Variants in ANKRD42 observed in about 807,000 individuals in gnomAD.
ANKRD42 encodes the protein ankyrin repeat domain 42, also known as ankyrin repeat domain-containing protein 42.
In ANKRD42, 43 loss-of-function variants were observed where a neutral mutation model predicts 51.5. The observed-to-expected ratio is 0.83, with a 90% CI of 0.65 to 1.08. The LOEUF (loss-of-function observed/expected upper bound fraction) is 1.08. Among genes scored for constraint, ANKRD42 ranks in the 50% least tolerant of loss-of-function variants. The pLI, the probability that ANKRD42 is intolerant of heterozygous loss-of-function variation, is 0.00. For missense variants in ANKRD42, 608 were observed against 629.3 expected (o/e 0.97, Z 0.36); for synonymous variants, 203 against 213.0 (o/e 0.95, Z 0.41).
chr11:83,203,474 A>ACC (rs909546520), intron 2 of ANKRD42, among the ~76,000 whole-genome samples: 3 of 149,526 alleles, frequency 2.0e-5, no homozygotes, highest in African/African-American at 7.4e-5. Context: ...GTTGACTGCA[A>ACC]CCCCTGCCTC....
rs752497699 is a variant in ANKRD42, at chr11:83,194,330, G to C, written c.-341G>C. ...GACGATCGCAGTCGCCGCTTCAGTG[G>C]CTCCTGGGAGGGAGGGAGTGTCGAA... On this transcript the variant is annotated 5_prime_UTR_variant, in exon 1 of 11. Coordinates refer to ENST00000533342, the MANE Select transcript of ANKRD42 (RefSeq NM_001300975.2). 7 of 539,436 alleles carry C rather than the reference G, an allele frequency of 1.3e-5. No homozygotes were observed. Among genetic ancestry groups the C allele is most frequent in the African/African-American group, 9.4e-5 (5 of 53,260 alleles). The allele number at this position is 539,436 out of a possible 1,614,324, so 33.4% of individuals were successfully genotyped here.
At chr11:83,262,152 A>C (rs1057434263), downstream of ANKRD42, among the ~76,000 whole-genome samples, 8 of 152,192 alleles carry the variant, frequency 5.3e-5, no homozygotes, top group Non-Finnish European at 1.0e-4. Flanking sequence ...TTAATGCCTA[A>C]TTCTTCTTAA....
chr11:83,244,261 G>A (rs1280467102), intron 9 of ANKRD42, among the ~76,000 whole-genome samples: 1 of 152,170 alleles, frequency 6.6e-6, no homozygotes, highest in Non-Finnish European at 1.5e-5. Context: ...GGTTATAGGC[G>A]TGAGCCACTG....
chr11:83,201,447 C>T (rs1861869349), intron 2 of ANKRD42, among the ~76,000 whole-genome samples: 1 of 152,166 alleles, frequency 6.6e-6, no homozygotes, highest in African/African-American at 2.4e-5. Flanking sequence ...AATAGCGCTG[C>T]AGTAAACATA....
At chr11:83,209,446 G>A (rs1862219320) in intron 3 of ANKRD42, 1 of 1,568,070 alleles carries the variant, frequency 6.4e-7, no homozygotes, top group Non-Finnish European at 8.8e-7. Context: ...ACGACGAGGA[G>A]TTTGAGTATC....
chr11:83,251,635 T>A (rs558890000), downstream of ANKRD42, among the ~76,000 whole-genome samples: 12 of 152,308 alleles, frequency 7.9e-5, no homozygotes, highest in African/African-American at 2.4e-4. Flanking sequence ...TCACATTCCC[T>A]CTTTCTGTGC....
chr11:83,212,595 A>AC, intron 5 of ANKRD42: 1 of 1,344,684 alleles, frequency 7.4e-7, no homozygotes, highest in East Asian at 2.5e-5. Flanking sequence ...AAACAAACAC[A>AC]CAAAGGGGAA....
intron 4 of ANKRD42, 38 bp downstream of exon 4, chr11:83,210,457 A>C: frequency 6.2e-7 from 1 of 1,607,600 alleles, no homozygotes; most frequent in Non-Finnish European, 8.5e-7. Flanking sequence ...ATGTGTGATA[A>C]TATAGATGGA....
downstream of ANKRD42, chr11:83,260,225 T>C (rs1212638460): frequency 6.6e-6 from 1 of 152,240 alleles, no homozygotes; most frequent in Non-Finnish European, 1.5e-5. Flanking sequence ...CTTGTTTATG[T>C]CTCTCTCCTT....
intron 7 of ANKRD42, among the ~76,000 whole-genome samples, chr11:83,235,644 AC>A (rs1863201623): frequency 6.6e-6 from 1 of 152,208 alleles, no homozygotes; most frequent in African/African-American, 2.4e-5. Flanking sequence ...TGTTTAATAG[AC>A]CTAAACTCAA....
At chr11:83,242,568 T>TTTTTTTTTTTTG (rs1565196063) in intron 9 of ANKRD42, among the ~76,000 whole-genome samples, 1 of 47,342 alleles carries the variant, frequency 2.1e-5, no homozygotes, top group African/African-American at 1.5e-4. Context: ...GGTAGTTAAG[T>TTTTTTTTTTTTG]TTTTTTTTTT....
intron 8 of ANKRD42, among the ~76,000 whole-genome samples, chr11:83,239,607 A>G (rs1007430071): frequency 6.6e-6 from 1 of 152,116 alleles, no homozygotes; most frequent in African/African-American, 2.4e-5. Flanking sequence ...TTTTTTGCAT[A>G]TGGATATCCA....
Position 83,198,451 on chromosome 11 carries a change from C to T in ANKRD42, c.59-28C>T, listed in dbSNP as rs376131866. On this transcript the variant is annotated intron_variant, in intron 1 of 10. Coordinates refer to ENST00000533342, the MANE Select transcript of ANKRD42 (RefSeq NM_001300975.2). ...TTTTTTCTTTCATAGTTTTGTAGTA[C>T]ATTGTAAGTAATTTGATTTTTCAAT... 1,239 of 1,584,922 alleles carry T rather than the reference C, an allele frequency of 7.8e-4. 1 individual carries two copies. Among genetic ancestry groups the T allele is most frequent in the Non-Finnish European group, 9.9e-4 (1,149 of 1,162,384 alleles).
At chr11:83,255,790 G>T in intron 11 of ANKRD42, 1 of 1,405,018 alleles carries the variant, frequency 7.1e-7, no homozygotes, top group South Asian at 1.3e-5. Flanking sequence ...GTAGAAAGAC[G>T]AAAATGTGTG....
chr11:83,221,008 ACAC>A (rs1862703194), intron 5 of ANKRD42, among the ~76,000 whole-genome samples: 2 of 151,938 alleles, frequency 1.3e-5, no homozygotes, highest in African/African-American at 4.8e-5. Context: ...TTTCTCTTGA[ACAC>A]CAGTAATTCT....
At position 83,248,312 on chromosome 11, in the gene ANKRD42, C is replaced by T; in HGVS notation, c.*108C>T. 7.1e-7 allele frequency: 1 copy of T among 1,410,684 alleles called. No homozygotes were observed. The highest frequency in any genetic ancestry group is 9.2e-7 in the Non-Finnish European group (1 of 1,086,892). The allele number at this position is 1,410,684 out of a possible 1,614,324, so 87.4% of individuals were successfully genotyped here. A position where few individuals can be genotyped will look rare whatever the true frequency, so the allele number is the denominator to read the frequency against. On this transcript the variant is annotated 3_prime_UTR_variant, in exon 11 of 11. Transcript: ENST00000533342. The stretch of plus-strand genomic sequence containing the variant: ...TTAAAGGAATACACACACACACACA[C>T]ACACACACACACACACACACACACT...
chr11:83,255,933 A>G (rs1863764520), exon 12 of ANKRD42: 1 of 1,516,900 alleles, frequency 6.6e-7, no homozygotes, highest in East Asian at 2.5e-5. Flanking sequence ...AGAAGGTACT[A>G]ATCAGTGAAA....
At chr11:83,250,903 T>C (rs554420785), downstream of ANKRD42, among the ~76,000 whole-genome samples, 2 of 152,300 alleles carry the variant, frequency 1.3e-5, no homozygotes, top group Admixed American at 1.3e-4. Context: ...TATATCTTTC[T>C]ATCTGAACTA....
downstream of ANKRD42, among the ~76,000 whole-genome samples, chr11:83,252,419 A>G (rs953474435): frequency 3.9e-5 from 6 of 152,218 alleles, no homozygotes; most frequent in Non-Finnish European, 5.9e-5. Flanking sequence ...GCATTATTAC[A>G]TATATCTCTC....
Sources: allele counts gnomAD v4.1 joint callset (sites outside exome capture counted in the v4.1 genomes callset), GRCh38; gene constraint gnomAD v4.1.1; transcripts MANE v1.5; gene names NCBI Gene and HGNC (gene_info 2026-07-23, HGNC 2026-07-21).